CACNB2: variants seen among roughly 807,000 people sequenced by gnomAD.
CACNB2 encodes voltage-dependent L-type calcium channel subunit beta-2.
CACNB2 carries 42 observed loss-of-function variants against 73.3 expected under a neutral mutation model. The ratio of observed to expected loss-of-function variants is 0.57; its 90% confidence interval spans 0.45 to 0.74. CACNB2 has a LOEUF of 0.74. CACNB2 is among the 30% of genes least tolerant of loss of function. The pLI, the probability that CACNB2 is intolerant of heterozygous loss-of-function variation, is 0.00. For missense variants in CACNB2, 940 were observed against 853.0 expected, an observed-to-expected ratio of 1.10 and a Z score of -1.27; for synonymous variants, 348 against 310.3, an observed-to-expected ratio of 1.12 and a Z score of -1.28.
At chr10:18,207,252 G>A (rs1318524740) in intron 2 of CACNB2, among the ~76,000 whole-genome samples, 10 of 152,184 alleles carry the variant, frequency 6.6e-5, no homozygotes, top group Admixed American at 3.9e-4. Context: ...CAGGTGATCC[G>A]CCTACCTCTG....
chr10:18,538,224 C>A lies in CACNB2; in HGVS notation c.1347C>A (p.Ala449=). ...TGGATGAGAACCAGCTTGAGGATGC[C>A]TGTGAGCACCTTGCCGACTATCTGG... The part of the protein sequence containing the change: ...VILDENQLED[A]CEHLADYLEA... The change falls in exon 13 of 14, where the codon GCC becomes GCA. Residue 449 remains alanine (A), a synonymous_variant. Coordinates refer to ENST00000324631, the MANE Select transcript of CACNB2 (RefSeq NM_201596.3). 1.9e-6 allele frequency: 3 copies of A among 1,614,082 alleles called. No homozygotes were observed. Among genetic ancestry groups the A allele is most frequent in the Non-Finnish European group, 1.7e-6 (2 of 1,180,016 alleles).
intron 3 of CACNB2, among the ~76,000 whole-genome samples, chr10:18,474,970 C>G (rs779219474): frequency 1.6e-4 from 24 of 151,436 alleles, no homozygotes; most frequent in Non-Finnish European, 3.2e-4. Context: ...CTGTCCAACT[C>G]AACTACAGAT....
At chr10:18,452,993 C>T (rs2047086713) in intron 3 of CACNB2, among the ~76,000 whole-genome samples, 1 of 152,176 alleles carries the variant, frequency 6.6e-6, no homozygotes, top group Non-Finnish European at 1.5e-5. Context: ...TCATAGCATC[C>T]ATGCAGTTGC....
chr10:18,140,796 G>T lies in CACNB2; in HGVS notation c.60G>T (p.Glu20Asp). The change falls in exon 1 of 14, where the codon GAG becomes GAT. Residue 20 changes from glutamate (E) to aspartate (D), a missense_variant. Coordinates refer to ENST00000324631, the MANE Select transcript of CACNB2 (RefSeq NM_201596.3). ...CAGCGGCGGCGGCGGTGGCGCAGGAGATCCAGATGGAACTGCTAGAGAACG... is the reference window on the plus strand; with the variant it reads ...CAGCGGCGGCGGCGGTGGCGCAGGATATCCAGATGGAACTGCTAGAGAACG... ...PPTAAAAVAQEIQMELLENVA... is the reference protein window; with the variant it reads ...PPTAAAAVAQDIQMELLENVA... 1 of 1,603,058 alleles carries T rather than the reference G, an allele frequency of 6.2e-7. No individual in the cohort carries two copies.
At chr10:18,219,744 T>C (rs1457404416) in intron 2 of CACNB2, among the ~76,000 whole-genome samples, 1 of 151,654 alleles carries the variant, frequency 6.6e-6, no homozygotes, top group Non-Finnish European at 1.5e-5. Context: ...TATCTCTGGC[T>C]TTCTGGCTTT....
chr10:18,518,087 G>C (rs1168523943), intron 7 of CACNB2, among the ~76,000 whole-genome samples: 1 of 152,140 alleles, frequency 6.6e-6, no homozygotes, highest in Admixed American at 6.5e-5. Flanking sequence ...TCTTGCTTTA[G>C]GAACGAATAG....
chr10:18,250,652 G>C (rs970842341), intron 2 of CACNB2, among the ~76,000 whole-genome samples: 2 of 151,804 alleles, frequency 1.3e-5, no homozygotes, highest in Non-Finnish European at 2.9e-5. Flanking sequence ...AGGATATCTA[G>C]ATACTTACGA....
chr10:18,525,753 C>G (rs1302448026), intron 9 of CACNB2, among the ~76,000 whole-genome samples: 1 of 152,006 alleles, frequency 6.6e-6, no homozygotes, highest in Non-Finnish European at 1.5e-5. Context: ...GAATTTGAAC[C>G]TCTTGGGTTA....
At chr10:18,527,386 A>G (rs1369261289) in intron 9 of CACNB2, among the ~76,000 whole-genome samples, 1 of 151,996 alleles carries the variant, frequency 6.6e-6, no homozygotes, top group African/African-American at 2.4e-5. Flanking sequence ...CAAAACAAAC[A>G]AAAAACAAAG....
At chr10:18,447,071 AT>A (rs1483627024) in intron 3 of CACNB2, among the ~76,000 whole-genome samples, 114 of 151,874 alleles carry the variant, frequency 7.5e-4, no homozygotes, top group African/African-American at 2.6e-3. Flanking sequence ...AAAAAAAAAA[AT>A]AAATAAATAA....
chr10:18,190,014 C>T (rs76720202), intron 2 of CACNB2, among the ~76,000 whole-genome samples: 3 of 152,170 alleles, frequency 2.0e-5, no homozygotes, highest in African/African-American at 7.2e-5. Flanking sequence ...ATCTTCAGCA[C>T]TTGAATGATG....
intron 3 of CACNB2, among the ~76,000 whole-genome samples, chr10:18,473,684 G>C (rs2048301636): frequency 6.6e-6 from 1 of 152,210 alleles, no homozygotes; most frequent in African/African-American, 2.4e-5. Context: ...CAGTCACCCG[G>C]AGAATTCACG....
chr10:18,317,375 G>A (rs1457304537), intron 2 of CACNB2, among the ~76,000 whole-genome samples: 1 of 151,968 alleles, frequency 6.6e-6, no homozygotes, highest in East Asian at 1.9e-4. Flanking sequence ...CCAATAGATG[G>A]TTTTTCACCC....
chr10:18,143,303 A>G (rs2030619070), intron 1 of CACNB2, among the ~76,000 whole-genome samples: 1 of 152,234 alleles, frequency 6.6e-6, no homozygotes, highest in Non-Finnish European at 1.5e-5. Flanking sequence ...CAGGCAGCAG[A>G]CAGATGTAAC....
At chr10:18,275,796 C>A (rs1485891751) in intron 2 of CACNB2, among the ~76,000 whole-genome samples, 1 of 152,066 alleles carries the variant, frequency 6.6e-6, no homozygotes, top group Non-Finnish European at 1.5e-5. Flanking sequence ...CATAGAATAA[C>A]ACAATCAATG....
intron 2 of CACNB2, among the ~76,000 whole-genome samples, chr10:18,169,344 T>C (rs965857195): frequency 6.6e-6 from 1 of 152,196 alleles, no homozygotes; most frequent in African/African-American, 2.4e-5. Context: ...ACTTAAAATA[T>C]ATGCTACTCT....
At chr10:18,298,841 T>C (rs1035046997) in intron 2 of CACNB2, among the ~76,000 whole-genome samples, 31 of 152,026 alleles carry the variant, frequency 2.0e-4, no homozygotes, top group African/African-American at 6.8e-4. Context: ...TTTCTTCCAC[T>C]CTGCAAAAAC....
intron 3 of CACNB2, among the ~76,000 whole-genome samples, chr10:18,442,979 T>C (rs1293264562): frequency 6.0e-5 from 1 of 16,690 alleles, no homozygotes; most frequent in African/African-American, 8.9e-4. Flanking sequence ...TGTGTATATA[T>C]ATATATGTAT....
chr10:18,193,697 G>A (rs931844319), intron 2 of CACNB2, among the ~76,000 whole-genome samples: 11 of 152,130 alleles, frequency 7.2e-5, no homozygotes, highest in African/African-American at 2.7e-4. Flanking sequence ...GAGCTGGTGG[G>A]CTATGGAGGA....
Sources: allele counts gnomAD v4.1 joint callset (sites outside exome capture counted in the v4.1 genomes callset), GRCh38; gene constraint gnomAD v4.1.1; transcripts MANE v1.5; gene names NCBI Gene and HGNC (gene_info 2026-07-23, HGNC 2026-07-21).